SAMD5: variants seen among roughly 807,000 people sequenced by gnomAD.
SAMD5 encodes sterile alpha motif domain containing 5, also known as sterile alpha motif domain-containing protein 5.
Under a neutral mutation model 11.3 loss-of-function variants are expected in SAMD5, and 13 were observed. The observed-to-expected ratio is 1.15, with a 90% confidence interval of 0.75 to 1.83. SAMD5 has a LOEUF of 1.83. SAMD5 is among the 40% of genes most tolerant of loss of function. The probability of loss-of-function intolerance (pLI) is 0.00; values close to 1 mark genes in which losing one functional copy is unlikely to be tolerated. For missense variants in SAMD5, 255 were observed against 239.1 expected (o/e 1.07, Z -0.44); for synonymous variants, 129 against 111.3 (o/e 1.16, Z -1.00).
intron 1 of SAMD5, among the ~76,000 whole-genome samples, chr6:147,523,020 C>G (rs1265741538): frequency 6.6e-6 from 1 of 152,080 alleles, no homozygotes; most frequent in East Asian, 1.9e-4. Flanking sequence ...GGAAATTCCT[C>G]CCAGGTTCTG....
At chr6:147,750,194 A>C in the SAMD5 span, among the ~76,000 whole-genome samples, 1 of 152,226 alleles carries the variant, frequency 6.6e-6, no homozygotes, top group East Asian at 1.9e-4. Context: ...TATTGTCTTA[A>C]GCAAAACCAT....
chr6:147,540,784 G>A (rs1013976281), intron 1 of SAMD5, among the ~76,000 whole-genome samples: 5 of 151,774 alleles, frequency 3.3e-5, no homozygotes, highest in Admixed American at 6.6e-5. Flanking sequence ...AGAGGGGGGG[G>A]GTCCAGAAAC....
the SAMD5 span, among the ~76,000 whole-genome samples, chr6:147,867,677 T>C: frequency 1.3e-5 from 2 of 152,178 alleles, no homozygotes; most frequent in African/African-American, 4.8e-5. Context: ...ATTACAGCTG[T>C]AGTGTGCACA....
intron 1 of SAMD5, among the ~76,000 whole-genome samples, chr6:147,643,953 G>A (rs1345173648): frequency 7.0e-6 from 1 of 142,002 alleles, no homozygotes; most frequent in Non-Finnish European, 1.6e-5. Context: ...GGGTTAACTA[G>A]TGTTGTAGGT....
chr6:147,636,560 T>A (rs1790233798), intron 1 of SAMD5, among the ~76,000 whole-genome samples: 1 of 152,142 alleles, frequency 6.6e-6, no homozygotes, highest in Non-Finnish European at 1.5e-5. Context: ...AAATAAAATA[T>A]CTGTTGTTGG....
chr6:147,951,814 C>G, the SAMD5 span, among the ~76,000 whole-genome samples: 1 of 152,114 alleles, frequency 6.6e-6, no homozygotes, highest in Non-Finnish European at 1.5e-5. Flanking sequence ...TTCTGACAGA[C>G]GCAGAATAAA....
chr6:147,785,572 C>A, the SAMD5 span, among the ~76,000 whole-genome samples: 1 of 152,306 alleles, frequency 6.6e-6, no homozygotes, highest in East Asian at 1.9e-4. Flanking sequence ...CCAGCCCAGA[C>A]TTCCCTTTGA....
At chr6:147,654,800 CAA>C (rs1486288265) in intron 1 of SAMD5, among the ~76,000 whole-genome samples, 2 of 150,624 alleles carry the variant, frequency 1.3e-5, no homozygotes, top group African/African-American at 4.9e-5. Flanking sequence ...AAATATAAAA[CAA>C]AGTGCAGGAA....
At chr6:147,671,889 A>AT (rs56865442) in intron 1 of SAMD5, among the ~76,000 whole-genome samples, 21,467 of 98,032 alleles carry the variant, frequency 0.22, 3,138 homozygotes, top group African/African-American at 0.39. Flanking sequence ...CTTTTTCAGG[A>AT]TTTTTTTTTT....
intron 1 of SAMD5, among the ~76,000 whole-genome samples, chr6:147,596,316 G>C (rs7750010): frequency 6.6e-6 from 1 of 152,044 alleles, no homozygotes; most frequent in Non-Finnish European, 1.5e-5. Context: ...CAGTGCCTTC[G>C]ATACTGTAAA....
At chr6:147,816,061 C>G in the SAMD5 span, among the ~76,000 whole-genome samples, 53 of 151,668 alleles carry the variant, frequency 3.5e-4, no homozygotes, top group African/African-American at 1.3e-3. Context: ...GGCAGATCAC[C>G]TGAGGTCAGG....
intron 1 of SAMD5, among the ~76,000 whole-genome samples, chr6:147,582,794 G>C (rs1321312905): frequency 6.6e-6 from 1 of 152,214 alleles, no homozygotes; most frequent in Non-Finnish European, 1.5e-5. Flanking sequence ...AAGGTGCAGA[G>C]CCCTAAGCAG....
chr6:147,614,716 G>T (rs1789840335), intron 1 of SAMD5, among the ~76,000 whole-genome samples: 1 of 151,854 alleles, frequency 6.6e-6, no homozygotes, highest in Non-Finnish European at 1.5e-5. Flanking sequence ...GGACCCAAGA[G>T]AACTTTCTGG....
chr6:147,569,423 T>G lies in SAMD5; in HGVS notation c.*4967T>G. The G allele has an allele frequency of 2.4e-5, 23 of 963,752 alleles. No individual in the cohort carries two copies. The highest frequency in any genetic ancestry group is 2.7e-5 in the Non-Finnish European group (22 of 810,278). The allele number at this position is 963,752 out of a possible 1,614,324, so 59.7% of individuals were successfully genotyped here. The stretch of plus-strand genomic sequence containing the variant: ...CTAAGTAGTATTTTTTTCTTAACAA[T>G]TTTGCCAAAATTTCTTCTACTGGAC... On this transcript the variant is annotated 3_prime_UTR_variant, in exon 2 of 2. Transcript: ENST00000367474.
the SAMD5 span, among the ~76,000 whole-genome samples, chr6:147,907,825 T>A: frequency 1.3e-5 from 2 of 152,240 alleles, no homozygotes; most frequent in Non-Finnish European, 2.9e-5. Context: ...AGTTGTGCTA[T>A]TATTCTCTGT....
the SAMD5 span, among the ~76,000 whole-genome samples, chr6:147,799,568 A>T: frequency 6.6e-6 from 1 of 151,152 alleles, no homozygotes; most frequent in Non-Finnish European, 1.5e-5. Flanking sequence ...CTTCTCGAGG[A>T]GTATCTTTGT....
intron 1 of SAMD5, among the ~76,000 whole-genome samples, chr6:147,530,769 G>A (rs1470315737): frequency 6.6e-6 from 1 of 152,166 alleles, no homozygotes; most frequent in Non-Finnish European, 1.5e-5. Flanking sequence ...ACCAGGCCGT[G>A]GTTCCCAAAC....
chr6:147,662,620 A>T (rs995424729), intron 1 of SAMD5, among the ~76,000 whole-genome samples: 1 of 152,238 alleles, frequency 6.6e-6, no homozygotes, highest in Non-Finnish European at 1.5e-5. Flanking sequence ...ATGAATGCAC[A>T]TCGGTGTATC....
At chr6:147,702,664 T>C (rs1791270237) in intron 1 of SAMD5, among the ~76,000 whole-genome samples, 1 of 152,224 alleles carries the variant, frequency 6.6e-6, no homozygotes, top group Admixed American at 6.5e-5. Flanking sequence ...CTATTTAATA[T>C]CACAAGTTCA....
Sources: gnomAD v4.1 joint callset for allele counts (sites outside exome capture counted in the v4.1 genomes callset) on GRCh38, gnomAD v4.1.1 for gene constraint, MANE v1.5 for transcripts, NCBI Gene and HGNC (gene_info 2026-07-23, HGNC 2026-07-21) for gene names.